The following CDK15 variants were observed in gnomAD, a reference collection of about 807,000 sequenced individuals.
The protein encoded by CDK15 is cyclin dependent kinase 15, also known as cyclin-dependent kinase 15.
In CDK15, 62 loss-of-function variants were observed where a neutral mutation model predicts 60.3. The ratio of observed to expected loss-of-function variants is 1.03; its 90% CI spans 0.84 to 1.27. The LOEUF (loss-of-function observed/expected upper bound fraction) is 1.27, where lower values mean the gene tolerates loss of function less well. CDK15 is among the 50% of genes most tolerant of loss of function. CDK15 has a pLI of 0.00. For missense variants in CDK15, 541 were observed against 527.8 expected, an observed-to-expected ratio of 1.03 and a Z score of -0.25; for synonymous variants, 194 against 195.7, an observed-to-expected ratio of 0.99 and a Z score of 0.07.
chr2:201,860,688 G>GGGAT, intron 10 of CDK15: 1 of 1,351,204 alleles, frequency 7.4e-7, no homozygotes, highest in Non-Finnish European at 9.8e-7. Flanking sequence ...GACAGGCCAA[G>GGGAT]GGATGCCCAG....
chr2:201,869,747 A>T (rs1172113758), intron 10 of CDK15, among the ~76,000 whole-genome samples: 1 of 152,174 alleles, frequency 6.6e-6, no homozygotes, highest in Non-Finnish European at 1.5e-5. Context: ...CACAGCACAT[A>T]GACCTCTCAG....
intron 8 of CDK15, among the ~76,000 whole-genome samples, chr2:201,839,232 T>C (rs1461727687): frequency 2.6e-5 from 4 of 152,228 alleles, no homozygotes; most frequent in African/African-American, 9.6e-5. Flanking sequence ...TGATACCTTG[T>C]AGGCCAAGTC....
In CDK15 at chr2:201,832,464, T is replaced by G. The variant is rs560796520; in HGVS notation, c.607-1384T>G. Among the ~76,000 whole-genome samples the G allele has an allele frequency of 2.0e-5, 3 of 152,380 alleles. No individual in the cohort carries two copies. The South Asian group carries it at 6.2e-4, about 32-fold the overall frequency. On this transcript the variant is annotated intron_variant, in intron 6 of 13. Coordinates refer to ENST00000652192, the MANE Select transcript of CDK15 (RefSeq NM_001366386.2). ...TATATTTATAACCAATCAGAAGGTT[T>G]AAATGTCAGTGTAGGAATTTTGTGC...
At chr2:201,857,836 C>T (rs1698209826) in intron 10 of CDK15, among the ~76,000 whole-genome samples, 1 of 152,030 alleles carries the variant, frequency 6.6e-6, no homozygotes, top group African/African-American at 2.4e-5. Flanking sequence ...TTTGAGCCAC[C>T]CCCTACCCAT....
At chr2:201,841,477 T>C (rs940861973) in intron 8 of CDK15, among the ~76,000 whole-genome samples, 4 of 152,242 alleles carry the variant, frequency 2.6e-5, no homozygotes, top group Non-Finnish European at 4.4e-5. Context: ...GTATTTACAC[T>C]GAGATCCCTC....
chr2:201,845,409 C>T (rs1265172534), intron 8 of CDK15, among the ~76,000 whole-genome samples: 5 of 151,846 alleles, frequency 3.3e-5, no homozygotes, highest in African/African-American at 7.3e-5. Flanking sequence ...TAAACTTGAT[C>T]GTCAAGAAAT....
intron 4 of CDK15, among the ~76,000 whole-genome samples, chr2:201,822,288 T>C (rs1696262678): frequency 6.6e-6 from 1 of 152,242 alleles, no homozygotes; most frequent in Non-Finnish European, 1.5e-5. Flanking sequence ...CCAGTCTCTA[T>C]CATGTTTCAA....
intron 10 of CDK15, among the ~76,000 whole-genome samples, chr2:201,862,302 C>A (rs928181316): frequency 4.6e-5 from 7 of 152,200 alleles, no homozygotes; most frequent in Admixed American, 3.3e-4. Flanking sequence ...TTGTTAATTT[C>A]ACCCAAACAT....
At chr2:201,862,980 C>T (rs1698456267) in intron 10 of CDK15, among the ~76,000 whole-genome samples, 1 of 152,146 alleles carries the variant, frequency 6.6e-6, no homozygotes, top group African/African-American at 2.4e-5. Flanking sequence ...AGTTCCTACC[C>T]TGGGACTCCA....
chr2:201,860,770 A>G (rs564924322), intron 10 of CDK15: 3 of 1,352,152 alleles, frequency 2.2e-6, no homozygotes, highest in East Asian at 4.5e-5. Flanking sequence ...TGGATGGCAT[A>G]CTGACATCGG....
At chr2:201,867,935 C>T (rs970754458) in intron 10 of CDK15, among the ~76,000 whole-genome samples, 5 of 152,124 alleles carry the variant, frequency 3.3e-5, no homozygotes, top group Admixed American at 6.5e-5. Context: ...ATTATTTAAC[C>T]AGAGAGGCTA....
At chr2:201,836,261 T>C (rs560720657) in intron 8 of CDK15, among the ~76,000 whole-genome samples, 2 of 142,938 alleles carry the variant, frequency 1.4e-5, no homozygotes, top group Non-Finnish European at 3.0e-5. Flanking sequence ...TGGAGTGCAG[T>C]GGCACGATCT....
chr2:201,889,739 CA>C (rs1699576786), intron 12 of CDK15, among the ~76,000 whole-genome samples: 1 of 151,750 alleles, frequency 6.6e-6, no homozygotes, highest in Non-Finnish European at 1.5e-5. Context: ...GCAAAAGTTG[CA>C]CCTTAGAGTC....
chr2:201,860,695 C>T, intron 10 of CDK15: 1 of 1,351,686 alleles, frequency 7.4e-7, no homozygotes, highest in South Asian at 1.1e-5. Context: ...CAAGGGATGC[C>T]CAGTTGTTTT....
rs1443701577 is a variant in CDK15, at chr2:201,895,035, C to T, written c.*1768C>T. On this transcript the variant is annotated 3_prime_UTR_variant, in exon 14 of 14. Transcript: ENST00000652192. Reference sequence around the variant, plus strand: ...CCCCAGAGATAATGCTAGTACCAATCGAAAGCTCAGGGATGCTACTGTTGA... The same window carrying T: ...CCCCAGAGATAATGCTAGTACCAATTGAAAGCTCAGGGATGCTACTGTTGA... The T allele has an allele frequency of 1.3e-5, 2 of 152,154 alleles. No individual in the cohort carries two copies. Among genetic ancestry groups the T allele is most frequent in the Non-Finnish European group, 1.5e-5 (1 of 68,030 alleles). 9.4% of individuals were successfully genotyped at this position (152,154 alleles called of 1,614,324 possible). A position where few individuals can be genotyped will look rare whatever the true frequency, so the allele number is the denominator to read the frequency against.
chr2:201,873,107 A>G (rs185903421), intron 11 of CDK15, among the ~76,000 whole-genome samples: 2 of 148,736 alleles, frequency 1.3e-5, no homozygotes, highest in African/African-American at 4.9e-5. Flanking sequence ...TTTTTCCCTG[A>G]AAATATGGTA....
chr2:201,888,381 C>G, intron 12 of CDK15: 1 of 1,506,434 alleles, frequency 6.6e-7, no homozygotes, highest in Non-Finnish European at 8.8e-7. Flanking sequence ...ATAAACTTGT[C>G]CTGCCGACTG....
At chr2:201,812,155 C>T (rs1392710085) in intron 3 of CDK15, among the ~76,000 whole-genome samples, 2 of 128,776 alleles carry the variant, frequency 1.6e-5, no homozygotes, top group African/African-American at 3.0e-5. Context: ...GCCTGGGCAA[C>T]AGAGCGAGAT....
rs1364155709 is a variant in CDK15 at position 201,894,980 on chromosome 2, A to C, written c.*1713A>C. ...AGTGGAAATTGGCACTTTTAAGTAC[A>C]ATATGAATTAATAGTATAATTTCGC... On this transcript the variant is annotated 3_prime_UTR_variant, in exon 14 of 14. Coordinates refer to ENST00000652192, the MANE Select transcript of CDK15 (RefSeq NM_001366386.2). 6.6e-6 allele frequency: 1 copy of C among 152,234 alleles called. No individual in the cohort carries two copies. The highest frequency in any genetic ancestry group is 1.5e-5 in the Non-Finnish European group (1 of 68,032). 9.4% of individuals were successfully genotyped at this position (152,234 alleles called of 1,614,324 possible). A position where few individuals can be genotyped will look rare whatever the true frequency, so the allele number is the denominator to read the frequency against.
Sources: gnomAD v4.1 joint callset for allele counts (sites outside exome capture counted in the v4.1 genomes callset) on GRCh38, gnomAD v4.1.1 for gene constraint, MANE v1.5 for transcripts, NCBI Gene and HGNC (gene_info 2026-07-23, HGNC 2026-07-21) for gene names.